SRGAP2C: variants seen among roughly 807,000 people sequenced by gnomAD.
The protein encoded by SRGAP2C is SLIT-ROBO Rho GTPase-activating protein 2C.
In SRGAP2C, 15 loss-of-function variants were observed where a neutral mutation model predicts 25.1. That is an observed-to-expected ratio of 0.60 (90% CI 0.40 to 0.92). The LOEUF (loss-of-function observed/expected upper bound fraction) is 0.92, where lower values mean the gene tolerates loss of function less well. Ranked by LOEUF, SRGAP2C falls within the 40% of genes least tolerant of loss-of-function variation. The probability of loss-of-function intolerance (pLI) is 0.00; values close to 1 mark genes in which losing one functional copy is unlikely to be tolerated. For missense variants in SRGAP2C, 144 were observed against 264.4 expected (o/e 0.54, Z 3.16); for synonymous variants, 44 against 96.6 (o/e 0.46, Z 3.19).
Position 121,269,718 on chromosome 1 carries a change from AAG to A in SRGAP2C, c.68-15082_68-15081del, listed in dbSNP as rs1656893640. Among the ~76,000 whole-genome samples the A allele has an allele frequency of 2.7e-5, 4 of 149,074 alleles. No individual in the cohort carries two copies. The Admixed American group carries it at 2.7e-4, about 10-fold the overall frequency. ...GAAAAGAAAACTGAAATGAAAGTGA[AAG>A]AGCTGCTGTACTTTTTTCTCTACCA... On this transcript the variant is annotated intron_variant, in intron 2 of 9. Transcript: ENST00000367123.
chr1:121,374,976 C>T (rs782497397), intron 7 of SRGAP2C, 22 bp downstream of exon 7: 1 of 771,632 alleles, frequency 1.3e-6, no homozygotes, highest in South Asian at 1.4e-5. Flanking sequence ...AAGCCAAGGG[C>T]CTGAGGGCCC....
intron 2 of SRGAP2C, among the ~76,000 whole-genome samples, chr1:121,208,842 T>C (rs1372554482): frequency 6.6e-6 from 1 of 152,178 alleles, no homozygotes; most frequent in Non-Finnish European, 1.5e-5. Flanking sequence ...AAGGCATATA[T>C]GTGGGATTAT....
At chr1:121,314,763 TGAG>T (rs1463873468) in intron 3 of SRGAP2C, among the ~76,000 whole-genome samples, 1 of 151,760 alleles carries the variant, frequency 6.6e-6, no homozygotes, top group Non-Finnish European at 1.5e-5. Context: ...GGGACCCACT[TGAG>T]GAGGCAGTCT....
intron 2 of SRGAP2C, among the ~76,000 whole-genome samples, chr1:121,239,216 A>G (rs1656047820): frequency 3.2e-4 from 2 of 6,264 alleles, no homozygotes; most frequent in Non-Finnish European, 4.5e-4. Context: ...ATATATATAT[A>G]TATATATATA....
intron 3 of SRGAP2C, among the ~76,000 whole-genome samples, chr1:121,295,278 T>G (rs1657571233): frequency 6.6e-6 from 1 of 150,634 alleles, no homozygotes; most frequent in African/African-American, 2.4e-5. Context: ...GGGATTTGGC[T>G]CTATACAATA....
intron 2 of SRGAP2C, among the ~76,000 whole-genome samples, chr1:121,273,686 T>C (rs1553335664): frequency 6.6e-6 from 1 of 151,838 alleles, no homozygotes; most frequent in African/African-American, 2.4e-5. Context: ...AGCTACTGCA[T>C]CTCTGAACAG....
chr1:121,276,303 A>G (rs2101556373), intron 2 of SRGAP2C, among the ~76,000 whole-genome samples: 1 of 149,066 alleles, frequency 6.7e-6, no homozygotes, highest in South Asian at 2.1e-4. Flanking sequence ...TCTTGCTTCA[A>G]CTCCATTTAT....
At chr1:121,350,607 CA>C (rs1326021541) in intron 4 of SRGAP2C, among the ~76,000 whole-genome samples, 2 of 151,940 alleles carry the variant, frequency 1.3e-5, no homozygotes, top group African/African-American at 2.4e-5. Flanking sequence ...CAAAATGGAT[CA>C]AAGGCATAAA....
intron 3 of SRGAP2C, among the ~76,000 whole-genome samples, chr1:121,298,396 A>G (rs1490938075): frequency 7.0e-6 from 1 of 142,464 alleles, no homozygotes; most frequent in Non-Finnish European, 1.5e-5. Context: ...ACTTGGGCAA[A>G]TAAAAGAAGG....
intron 2 of SRGAP2C, among the ~76,000 whole-genome samples, chr1:121,263,519 C>T (rs1656684988): frequency 1.3e-5 from 2 of 149,216 alleles, no homozygotes; most frequent in Admixed American, 6.7e-5. Flanking sequence ...TTTAAAATTA[C>T]TAATAACTTT....
chr1:121,312,636 G>T (rs1267350920), intron 3 of SRGAP2C, among the ~76,000 whole-genome samples: 2 of 121,178 alleles, frequency 1.7e-5, no homozygotes, highest in South Asian at 2.7e-4. Flanking sequence ...GTTTTTTCTC[G>T]TTGGTTTCAA....
intron 2 of SRGAP2C, among the ~76,000 whole-genome samples, chr1:121,228,932 C>T (rs1461593727): frequency 6.6e-6 from 1 of 151,998 alleles, no homozygotes; most frequent in Non-Finnish European, 1.5e-5. Flanking sequence ...TTTCTAAGAG[C>T]AGCCTGGTCC....
intron 2 of SRGAP2C, among the ~76,000 whole-genome samples, chr1:121,243,311 G>GTCACATTGT (rs1342050997): frequency 1.5e-5 from 2 of 135,932 alleles, no homozygotes; most frequent in East Asian, 4.5e-4. Context: ...TTGGCACTTG[G>GTCACATTGT]TCACATTGTG....
intron 3 of SRGAP2C, among the ~76,000 whole-genome samples, chr1:121,323,603 G>A (rs1247031604): frequency 1.0e-5 from 1 of 95,956 alleles, no homozygotes; most frequent in Non-Finnish European, 1.9e-5. Flanking sequence ...GTGACAGAGT[G>A]AGACTTTGTC....
intron 2 of SRGAP2C, among the ~76,000 whole-genome samples, chr1:121,279,195 ACT>A (rs1225013364): frequency 6.8e-6 from 1 of 147,734 alleles, no homozygotes; most frequent in African/African-American, 2.5e-5. Flanking sequence ...TGCCTGTGTG[ACT>A]CTCCTGAAAG....
At chr1:121,320,828 T>C (rs1256396110) in intron 3 of SRGAP2C, among the ~76,000 whole-genome samples, 3 of 151,984 alleles carry the variant, frequency 2.0e-5, no homozygotes, top group African/African-American at 4.8e-5. Flanking sequence ...ACATGTATAA[T>C]AGGCATCGCA....
At chr1:121,377,911 A>G (rs1200951695) in intron 7 of SRGAP2C, among the ~76,000 whole-genome samples, 3 of 151,704 alleles carry the variant, frequency 2.0e-5, no homozygotes, top group Non-Finnish European at 4.4e-5. Flanking sequence ...CTTTTATGTT[A>G]GATATGTATG....
At chr1:121,186,456 G>C (rs1654500734) in intron 1 of SRGAP2C, among the ~76,000 whole-genome samples, 1 of 102,896 alleles carries the variant, frequency 9.7e-6, no homozygotes, top group Admixed American at 1.0e-4. Flanking sequence ...GAGGAGGGGC[G>C]GGAGAGGAAG....
intron 2 of SRGAP2C, among the ~76,000 whole-genome samples, chr1:121,237,769 C>T (rs1553328980): frequency 6.9e-6 from 1 of 144,836 alleles, no homozygotes; most frequent in African/African-American, 2.6e-5. Context: ...AGTCTGTATT[C>T]CCTAGAAAGA....
Sources: allele counts gnomAD v4.1 joint callset (sites outside exome capture counted in the v4.1 genomes callset), GRCh38; gene constraint gnomAD v4.1.1; transcripts MANE v1.5; gene names NCBI Gene and HGNC (gene_info 2026-07-23, HGNC 2026-07-21).